Variants in PPP2R2D observed in about 807,000 individuals in gnomAD.
PPP2R2D encodes protein phosphatase 2 regulatory subunit Bdelta, also known as serine/threonine-protein phosphatase 2A 55 kDa regulatory subunit B delta isoform.
In PPP2R2D, 9 loss-of-function variants were observed where a neutral mutation model predicts 31.1. The ratio of observed to expected loss-of-function variants is 0.29; its 90% confidence interval spans 0.17 to 0.51. The LOEUF (loss-of-function observed/expected upper bound fraction) is 0.51, where lower values mean the gene tolerates loss of function less well. Ranked by LOEUF, PPP2R2D falls within the 20% of genes least tolerant of loss-of-function variation. The probability of loss-of-function intolerance (pLI) is 0.98; values close to 1 mark genes in which losing one functional copy is unlikely to be tolerated. For synonymous variants in PPP2R2D, 179 were observed against 172.6 expected (o/e 1.04, Z -0.29); for missense variants, 391 against 465.6 (o/e 0.84, Z 1.48).
chr10:131,938,911 C>G (rs1297217951), intron 3 of PPP2R2D, among the ~76,000 whole-genome samples: 2 of 152,218 alleles, frequency 1.3e-5, no homozygotes, highest in African/African-American at 4.8e-5. Flanking sequence ...GCAGACTCAG[C>G]AGACACTTTC....
Position 131,958,098 on chromosome 10 carries a change from C to A in PPP2R2D, c.*2135C>A, listed in dbSNP as rs370036419. ...GAAGGGGTGTGTTGATCCCCCGTCC[C>A]CCTGTGGAGATGAAGGTGTGTGCTG... On this transcript the variant is annotated 3_prime_UTR_variant, in exon 9 of 9. Transcript: ENST00000455566. 1 of 159,572 alleles carries A rather than the reference C, an allele frequency of 6.3e-6. No homozygotes were observed. The allele number at this position is 159,572 out of a possible 1,614,324, so 9.9% of individuals were successfully genotyped here. A position where few individuals can be genotyped will look rare whatever the true frequency, so the allele number is the denominator to read the frequency against.
At chr10:131,970,270 C>T in the PPP2R2D span, 8,531 of 242,984 alleles carry the variant, frequency 0.035, 202 homozygotes, top group Middle Eastern at 0.079. The surrounding 1 kb of genome is among the most constrained non-coding windows in gnomAD (Gnocchi z 4.1). Flanking sequence ...AACTGAGACC[C>T]TCCACCTACA....
chr10:131,946,404 A>G (rs978530101), intron 7 of PPP2R2D, among the ~76,000 whole-genome samples: 3 of 151,980 alleles, frequency 2.0e-5, no homozygotes, highest in African/African-American at 7.3e-5. Flanking sequence ...CCGCCAGTCA[A>G]TCCCACCAGA....
chr10:131,940,142 AAAAT>A lies in PPP2R2D; in HGVS notation c.311_314del (p.Lys104IlefsTer21). 1 of 777,878 alleles carries A rather than the reference AAAAT, an allele frequency of 1.3e-6. No homozygotes were observed. Among genetic ancestry groups the A allele is most frequent in the Non-Finnish European group, 2.4e-6 (1 of 416,886 alleles). 48.2% of individuals were successfully genotyped at this position (777,878 alleles called of 1,614,324 possible). On this transcript the variant is annotated frameshift_variant, in exon 4 of 9. Coordinates refer to ENST00000455566, the MANE Select transcript of PPP2R2D (RefSeq NM_018461.5). LOFTEE classifies it high-confidence loss of function. ...TCTAGAAATTGAGGAAAAAATTAATAAAATTAGGTGGTTACCACAACAGAATGCT... is the reference window on the plus strand; with the variant it reads ...TCTAGAAATTGAGGAAAAAATTAATATAGGTGGTTACCACAACAGAATGCT...
chr10:131,968,661 CT>C, the PPP2R2D span: 1 of 1,145,152 alleles, frequency 8.7e-7, no homozygotes, highest in African/African-American at 1.5e-5. Context: ...GTGGTTAGAG[CT>C]TATGCAAGGG....
At chr10:131,951,105 T>G (rs2036627572) in intron 8 of PPP2R2D, among the ~76,000 whole-genome samples, 1 of 152,138 alleles carries the variant, frequency 6.6e-6, no homozygotes, top group South Asian at 2.1e-4. Context: ...ATAGAAATGC[T>G]CATCCTTCTT....
At chr10:131,944,674 C>T (rs572772421) in intron 6 of PPP2R2D, among the ~76,000 whole-genome samples, 11 of 152,278 alleles carry the variant, frequency 7.2e-5, no homozygotes, top group African/African-American at 2.6e-4. Flanking sequence ...TGCCGTCCTC[C>T]CTCTGCTGTC....
At chr10:131,971,352 G>T in the PPP2R2D span, 1 of 248,040 alleles carries the variant, frequency 4.0e-6, no homozygotes, top group Non-Finnish European at 7.9e-6. Context: ...AATGAAAACA[G>T]CCGAAAACGG....
chr10:131,940,614 C>A lies in PPP2R2D; in HGVS notation c.397C>A (p.Arg133=), dbSNP rs781983664. 3 of 774,338 alleles carry A rather than the reference C, an allele frequency of 3.9e-6. No individual in the cohort carries two copies. Among genetic ancestry groups the A allele is most frequent in the Non-Finnish European group, 7.2e-6 (3 of 415,040 alleles). The allele number at this position is 774,338 out of a possible 1,614,324, so 48.0% of individuals were successfully genotyped here. A position where few individuals can be genotyped will look rare whatever the true frequency, so the allele number is the denominator to read the frequency against. ...TATAAAATTATGGAAAATAAGTGAA[C>A]GGGATAAAAGAGCAGAAGGTTATAA... ...KTIKLWKISE[R]DKRAEGYNLK... Residue 133 remains arginine (R), a synonymous_variant, in exon 5 of 9, where the codon CGG becomes AGG. Coordinates refer to ENST00000455566, the MANE Select transcript of PPP2R2D (RefSeq NM_018461.5).
chr10:131,921,771 G>T (rs1380077726), intron 2 of PPP2R2D, among the ~76,000 whole-genome samples: 1 of 152,168 alleles, frequency 6.6e-6, no homozygotes, highest in Non-Finnish European at 1.5e-5. Context: ...TTGTGTCAGA[G>T]CCCCTGGCCT....
In PPP2R2D at chr10:131,922,657, A is replaced by G. The variant is rs546860965; in HGVS notation, c.101-11801A>G. 1.3e-4 allele frequency among the ~76,000 whole-genome samples: 20 copies of G among 152,086 alleles called. 1 individual carries two copies. In the South Asian group the frequency reaches 4.2e-3, roughly 32 times the overall value. On this transcript the variant is annotated intron_variant, in intron 2 of 8. Transcript: ENST00000455566. ...TTAGTAGAGTTTCTCTATGTTGGCC[A>G]GGCTGGTCTTGAACTCCTGACCTCG...
downstream of PPP2R2D, among the ~76,000 whole-genome samples, chr10:131,963,686 G>A (rs1298141796): frequency 2.6e-5 from 4 of 152,252 alleles, no homozygotes; most frequent in African/African-American, 7.2e-5. Flanking sequence ...CCCAGGCAGC[G>A]CGCTGACACC....
chr10:131,948,317 C>T (rs2036578167), intron 8 of PPP2R2D, among the ~76,000 whole-genome samples: 1 of 147,486 alleles, frequency 6.8e-6, no homozygotes, highest in South Asian at 2.2e-4. Flanking sequence ...TTAAAGATAG[C>T]TATGATTAGT....
rs535671309 is a variant in PPP2R2D at position 131,947,248 on chromosome 10, C to G, written c.821-282C>G. On this transcript the variant is annotated intron_variant, in intron 7 of 8. Transcript: ENST00000455566. This position sits in a 1 kb window ranked among gnomAD's most constrained non-coding sequence, Gnocchi z 4.3. ...ACAGATGGCAGTGCCCAGGACCTTG[C>G]CTAGAGATTCTCATTCAGGGTCCGG... is the stretch of plus-strand genomic sequence containing the variant. 2.4e-4 allele frequency among the ~76,000 whole-genome samples: 36 copies of G among 152,290 alleles called. No homozygotes were observed. Among genetic ancestry groups the G allele is most frequent in the African/African-American group, 7.5e-4 (31 of 41,570 alleles).
chr10:131,927,936 T>C (rs2036139124), intron 2 of PPP2R2D, among the ~76,000 whole-genome samples: 1 of 152,214 alleles, frequency 6.6e-6, no homozygotes, highest in Admixed American at 6.5e-5. Flanking sequence ...TATGTAGTTC[T>C]GGGGGCTGTG....
intron 2 of PPP2R2D, among the ~76,000 whole-genome samples, chr10:131,905,052 A>G (rs1039151944): frequency 1.2e-4 from 18 of 150,634 alleles, no homozygotes; most frequent in African/African-American, 4.4e-4. Context: ...TTGTGATTCC[A>G]CTGGGTCATC....
intron 8 of PPP2R2D, among the ~76,000 whole-genome samples, chr10:131,955,272 A>G (rs1356186512): frequency 6.6e-6 from 1 of 152,248 alleles, no homozygotes; most frequent in African/African-American, 2.4e-5. Flanking sequence ...CTCCAAAGAA[A>G]CATTGACAGA....
At chr10:131,963,224 T>C (rs1554901736), downstream of PPP2R2D, among the ~76,000 whole-genome samples, 1 of 152,216 alleles carries the variant, frequency 6.6e-6, no homozygotes, top group Non-Finnish European at 1.5e-5. Context: ...GAAACACTAA[T>C]TTATGATTCC....
chr10:131,953,659 TCCAA>T (rs2036735177), intron 8 of PPP2R2D, among the ~76,000 whole-genome samples: 1 of 125,620 alleles, frequency 8.0e-6, no homozygotes, highest in Non-Finnish European at 1.6e-5. Flanking sequence ...CTTAGTGACT[TCCAA>T]GTGTGCGGGG....
Sources: gnomAD v4.1 joint callset for allele counts (sites outside exome capture counted in the v4.1 genomes callset) on GRCh38, gnomAD v4.1.1 for gene constraint, Gnocchi (gnomAD v3.1) non-coding constraint, MANE v1.5 for transcripts, NCBI Gene and HGNC (gene_info 2026-07-23, HGNC 2026-07-21) for gene names.